NUDCD3: variants seen among roughly 807,000 people sequenced by gnomAD.
NUDCD3 encodes the protein nudC domain-containing protein 3.
Under a neutral mutation model 39.7 loss-of-function variants are expected in NUDCD3, and 13 were observed. That is an observed-to-expected ratio of 0.33 (90% CI 0.21 to 0.52). The LOEUF is 0.52. Among genes scored for constraint, NUDCD3 ranks in the 20% least tolerant of loss-of-function variants. The pLI, the probability that NUDCD3 is intolerant of heterozygous loss-of-function variation, is 0.96. For synonymous variants in NUDCD3, 175 were observed against 172.4 expected (o/e 1.02, Z -0.12); for missense variants, 453 against 458.1 (o/e 0.99, Z 0.10).
chr7:44,468,929 AC>A (rs1800192586), intron 2 of NUDCD3, among the ~76,000 whole-genome samples: 1 of 152,030 alleles, frequency 6.6e-6, no homozygotes, highest in Non-Finnish European at 1.5e-5. Flanking sequence ...ACTGACATAC[AC>A]CAAGAACTAA....
chr7:44,466,500 T>C (rs1456492837), intron 2 of NUDCD3, among the ~76,000 whole-genome samples: 2 of 152,198 alleles, frequency 1.3e-5, no homozygotes, highest in African/African-American at 4.8e-5. Flanking sequence ...AGGCTGCTAG[T>C]CACCACACCA....
Position 44,404,525 on chromosome 7 carries a change from T to G in NUDCD3, c.701A>C (p.Glu234Ala). 2 of 1,613,930 alleles carry G rather than the reference T, an allele frequency of 1.2e-6. No individual in the cohort carries two copies. The highest frequency in any genetic ancestry group is 1.7e-6 in the Non-Finnish European group (2 of 1,179,984). ...GAGCTTCCCTTCCATGAGGACGCGC[T>G]CCCCATTTTCCTCCAGCATGGCCAC... ...IRVAMLEENG[E>A]RVLMEGKLTH... The change falls in exon 4 of 6, where the codon GAG (glutamate) becomes GCG (alanine). Residue 234 changes from glutamate to alanine, a missense_variant. Coordinates refer to ENST00000355451, the MANE Select transcript of NUDCD3 (RefSeq NM_015332.4).
chr7:44,471,376 T>C (rs1389049452), intron 2 of NUDCD3, among the ~76,000 whole-genome samples: 1 of 152,244 alleles, frequency 6.6e-6, no homozygotes, highest in African/African-American at 2.4e-5. Context: ...TTGGCTTTTT[T>C]AGTATTTTCA....
At chr7:44,442,693 CTTTTTTTTT>C (rs869244799) in intron 2 of NUDCD3, among the ~76,000 whole-genome samples, 1 of 124,352 alleles carries the variant, frequency 8.0e-6, no homozygotes, top group Non-Finnish European at 1.7e-5. Context: ...CTCCCCTTTT[CTTTTTTTTT>C]TTTTTTTTTT....
intron 4 of NUDCD3, among the ~76,000 whole-genome samples, chr7:44,401,700 G>A (rs1300789099): frequency 6.6e-6 from 1 of 152,178 alleles, no homozygotes; most frequent in Non-Finnish European, 1.5e-5. Context: ...AGTGACAGGT[G>A]CCCCTCAGTC....
Position 44,381,627 on chromosome 7 carries a change from G to C in NUDCD3, c.*4384C>G, listed in dbSNP as rs1376880501. The C allele has an allele frequency of 6.6e-6, 1 of 152,252 alleles. No homozygotes were observed. The highest frequency in any genetic ancestry group is 2.4e-5 in the African/African-American group (1 of 41,426). 9.4% of individuals were successfully genotyped at this position (152,252 alleles called of 1,614,324 possible). On this transcript the variant is annotated 3_prime_UTR_variant, in exon 6 of 6. Transcript: ENST00000355451. Reference sequence around the variant, plus strand: ...TAGGACTGAGAGAGGCAGCAGGGAGGCTGGCCAGGGTCACCTCCCAGGTCC... The same window carrying C: ...TAGGACTGAGAGAGGCAGCAGGGAGCCTGGCCAGGGTCACCTCCCAGGTCC...
intron 2 of NUDCD3, chr7:44,467,953 G>T (rs373002770): frequency 6.2e-7 from 1 of 1,610,418 alleles, no homozygotes; most frequent in Admixed American, 1.7e-5. Flanking sequence ...GAACCAAGAA[G>T]TTCATCCAGC....
intron 2 of NUDCD3, among the ~76,000 whole-genome samples, chr7:44,469,396 T>C (rs1294706847): frequency 1.3e-5 from 2 of 152,210 alleles, no homozygotes; most frequent in Non-Finnish European, 2.9e-5. Flanking sequence ...TTTGTTATAA[T>C]TTTGTCTTTT....
At chr7:44,486,817 C>A (rs1009704152) in intron 1 of NUDCD3, among the ~76,000 whole-genome samples, 6 of 152,194 alleles carry the variant, frequency 3.9e-5, no homozygotes, top group Non-Finnish European at 7.4e-5. Context: ...GTACATCCAG[C>A]CTTCTCTGAC....
rs1798321757 is a variant in NUDCD3, at chr7:44,382,476, G to C, written c.*3535C>G. On this transcript the variant is annotated 3_prime_UTR_variant, in exon 6 of 6. Coordinates refer to ENST00000355451, the MANE Select transcript of NUDCD3 (RefSeq NM_015332.4). ...ACCAGGACTGGCAGGGGAAGCCCCAGGGCTTTGTGACCCTGTCCCTATGGG... is the reference window on the plus strand; with the variant it reads ...ACCAGGACTGGCAGGGGAAGCCCCACGGCTTTGTGACCCTGTCCCTATGGG... The C allele has an allele frequency of 6.6e-6, 1 of 152,234 alleles. No homozygotes were observed. The highest frequency in any genetic ancestry group is 1.5e-5 in the Non-Finnish European group (1 of 68,058). 9.4% of individuals were successfully genotyped at this position (152,234 alleles called of 1,614,324 possible). A position where few individuals can be genotyped will look rare whatever the true frequency, so the allele number is the denominator to read the frequency against.
chr7:44,453,072 G>A (rs1338277002), intron 2 of NUDCD3, among the ~76,000 whole-genome samples: 1 of 152,204 alleles, frequency 6.6e-6, no homozygotes, highest in Non-Finnish European at 1.5e-5. Flanking sequence ...AACAATGTTG[G>A]CCGGGTGCGG....
chr7:44,485,802 G>T (rs117826388), intron 1 of NUDCD3, among the ~76,000 whole-genome samples: 93 of 152,296 alleles, frequency 6.1e-4, no homozygotes, highest in African/African-American at 2.1e-3. Flanking sequence ...AAACACGCAC[G>T]CACAAAAAAC....
intron 2 of NUDCD3, chr7:44,468,451 C>A: frequency 1.5e-6 from 1 of 646,094 alleles, no homozygotes; most frequent in South Asian, 2.0e-5. Context: ...GAGCTAGCAA[C>A]TGAATGCCCG....
intron 5 of NUDCD3, among the ~76,000 whole-genome samples, chr7:44,391,962 T>C (rs796150013): frequency 7.2e-5 from 11 of 152,298 alleles, no homozygotes; most frequent in African/African-American, 2.2e-4. Flanking sequence ...TGGGAAGATA[T>C]GTGCAGATGA....
In NUDCD3 at chr7:44,450,557, T is replaced by C. The variant is rs181923999; in HGVS notation, c.510-22854A>G. Among the ~76,000 whole-genome samples, 1,242 of 151,984 alleles carry C rather than the reference T, an allele frequency of 8.2e-3. 17 individuals are homozygous for C. The highest frequency in any genetic ancestry group is 9.5e-3 in the Non-Finnish European group (646 of 67,948). On this transcript the variant is annotated intron_variant, in intron 2 of 5. Transcript: ENST00000355451. Reference sequence around the variant, plus strand: ...CTGTAATCCTAGCACTCTGGGAGGCTGAGGCAGGAGGATCACTTGAGCCCA... The same window carrying C: ...CTGTAATCCTAGCACTCTGGGAGGCCGAGGCAGGAGGATCACTTGAGCCCA...
Position 44,379,334 on chromosome 7 carries a change from G to A in NUDCD3, c.*6677C>T, listed in dbSNP as rs1987561156. On this transcript the variant is annotated 3_prime_UTR_variant, in exon 6 of 6. Coordinates refer to ENST00000355451, the MANE Select transcript of NUDCD3 (RefSeq NM_015332.4). The stretch of plus-strand genomic sequence containing the variant: ...AATGACCATATCATGGAAAATTCTG[G>A]AGAGCAGTTATCTTGGGACAGAGAT... The A allele has an allele frequency of 6.9e-6, 1 of 145,612 alleles. No individual in the cohort carries two copies. Among genetic ancestry groups the A allele is most frequent in the Non-Finnish European group, 1.5e-5 (1 of 66,420 alleles). The allele number at this position is 145,612 out of a possible 1,614,324, so 9.0% of individuals were successfully genotyped here.
chr7:44,422,403 GAAGA>G (rs1330915942), intron 3 of NUDCD3, among the ~76,000 whole-genome samples: 10 of 151,638 alleles, frequency 6.6e-5, no homozygotes, highest in South Asian at 4.2e-4. Flanking sequence ...GAATAATAAA[GAAGA>G]AAGAAGATAA....
chr7:44,460,288 T>C (rs1222304238), intron 2 of NUDCD3, among the ~76,000 whole-genome samples: 1 of 152,232 alleles, frequency 6.6e-6, no homozygotes, highest in Non-Finnish European at 1.5e-5. Context: ...AGTAAATCAC[T>C]GTGTAGAAAA....
intron 3 of NUDCD3, among the ~76,000 whole-genome samples, chr7:44,408,404 A>G (rs1219689693): frequency 1.3e-5 from 2 of 152,212 alleles, no homozygotes; most frequent in Non-Finnish European, 2.9e-5. Flanking sequence ...AGTGGAGTTC[A>G]GGCAGAAAGA....
Sources: gnomAD v4.1 joint callset for allele counts (sites outside exome capture counted in the v4.1 genomes callset) on GRCh38, gnomAD v4.1.1 for gene constraint, MANE v1.5 for transcripts, NCBI Gene and HGNC (gene_info 2026-07-23, HGNC 2026-07-21) for gene names.